CFAP141: variants seen among roughly 807,000 people sequenced by gnomAD.
CFAP141 encodes the protein cilia and flagella associated protein 141.
the CFAP141 span, among the ~76,000 whole-genome samples, chr1:154,201,048 G>T: frequency 6.6e-6 from 1 of 151,986 alleles, no homozygotes; most frequent in African/African-American, 2.4e-5. Flanking sequence ...CCTTAAAAGG[G>T]TAATTTAGAA....
the CFAP141 span, among the ~76,000 whole-genome samples, chr1:154,199,864 A>G: frequency 6.6e-6 from 1 of 152,062 alleles, no homozygotes; most frequent in African/African-American, 2.4e-5. Context: ...ATACGCACTA[A>G]GAGGCAGTTT....
At chr1:154,205,610 T>TG in the CFAP141 span, 1 of 1,613,868 alleles carries the variant, frequency 6.2e-7, no homozygotes. Context: ...GTCGACCGTC[T>TG]TCTTAAGTCC....
At chr1:154,200,734 G>T in the CFAP141 span, 2 of 916,852 alleles carry the variant, frequency 2.2e-6, no homozygotes, top group Non-Finnish European at 3.2e-6. Context: ...CCAGGCTGGT[G>T]TACAGTGGTG....
At chr1:154,199,585 A>G in the CFAP141 span, 3 of 1,082,086 alleles carry the variant, frequency 2.8e-6, no homozygotes, top group Non-Finnish European at 4.1e-6. Flanking sequence ...ACCCTTTCTT[A>G]TTCTTTCTTC....
chr1:154,204,842 G>A, the CFAP141 span, among the ~76,000 whole-genome samples: 1 of 151,024 alleles, frequency 6.6e-6, no homozygotes, highest in Non-Finnish European at 1.5e-5. Flanking sequence ...GATTATAGGT[G>A]TGAACCACCA....
the CFAP141 span, among the ~76,000 whole-genome samples, chr1:154,203,136 CA>C: frequency 2.1e-3 from 121 of 56,748 alleles, 1 homozygote; most frequent in African/African-American, 4.6e-3. Context: ...GACTCTGCCT[CA>C]AAAAAAAAAA....
At chr1:154,200,429 G>C in the CFAP141 span, 1 of 1,612,026 alleles carries the variant, frequency 6.2e-7, no homozygotes, top group South Asian at 1.1e-5. Flanking sequence ...AGTAGTGAAT[G>C]AGACTTCAGG....
chr1:154,201,374 T>C, the CFAP141 span, among the ~76,000 whole-genome samples: 1 of 150,168 alleles, frequency 6.7e-6, no homozygotes, highest in Admixed American at 6.6e-5. Flanking sequence ...ATGGCAGACC[T>C]GGGACTCAAA....
chr1:154,204,799 C>G, the CFAP141 span, among the ~76,000 whole-genome samples: 2 of 151,912 alleles, frequency 1.3e-5, no homozygotes, highest in Admixed American at 1.3e-4. Context: ...TGGGCTCAAG[C>G]AATCCCCCTG....
chr1:154,204,743 G>A, the CFAP141 span, among the ~76,000 whole-genome samples: 1 of 143,358 alleles, frequency 7.0e-6, no homozygotes, highest in Non-Finnish European at 1.5e-5. Flanking sequence ...AATTTTTTTG[G>A]TAGAGACAGG....
At chr1:154,200,275 A>C in the CFAP141 span, among the ~76,000 whole-genome samples, 8 of 152,362 alleles carry the variant, frequency 5.3e-5, no homozygotes, top group East Asian at 1.2e-3. Context: ...GGATGCAAAG[A>C]ATCACTTAAT....
the CFAP141 span, among the ~76,000 whole-genome samples, chr1:154,204,871 G>GTTTTTTTT: frequency 7.5e-6 from 1 of 133,886 alleles, no homozygotes; most frequent in African/African-American, 2.7e-5. Context: ...TTGCATCAGT[G>GTTTTTTTT]TTTTTTTTTT....
the CFAP141 span, chr1:154,199,432 ATC>A: frequency 0.011 from 17,899 of 1,604,040 alleles, 109 homozygotes; most frequent in Non-Finnish European, 0.014. Context: ...TGCCATCAGA[ATC>A]TCTCTACATA....
chr1:154,205,700 G>C, the CFAP141 span: 1 of 1,454,704 alleles, frequency 6.9e-7, no homozygotes, highest in Non-Finnish European at 9.6e-7. Flanking sequence ...TCTAATGAGA[G>C]ACATAGACCT....
At chr1:154,200,188 T>G in the CFAP141 span, among the ~76,000 whole-genome samples, 1 of 152,252 alleles carries the variant, frequency 6.6e-6, no homozygotes, top group Non-Finnish European at 1.5e-5. Context: ...GAGGCAGTTT[T>G]GAGTCTCACC....
At chr1:154,201,806 A>C in the CFAP141 span, among the ~76,000 whole-genome samples, 1 of 150,650 alleles carries the variant, frequency 6.6e-6, no homozygotes. Context: ...AGTCTCGCTC[A>C]GTCGCCCAGG....
At chr1:154,200,623 G>A in the CFAP141 span, 80 of 1,611,994 alleles carry the variant, frequency 5.0e-5, no homozygotes, top group Non-Finnish European at 6.4e-5. Context: ...TTGAATGGGT[G>A]GGTTAGAGTT....
At chr1:154,203,760 A>T in the CFAP141 span, among the ~76,000 whole-genome samples, 1 of 152,020 alleles carries the variant, frequency 6.6e-6, no homozygotes, top group Non-Finnish European at 1.5e-5. Flanking sequence ...TAAACTGGGA[A>T]GTACATCTTC....
chr1:154,206,060 A>G, the CFAP141 span, among the ~76,000 whole-genome samples: 1 of 152,186 alleles, frequency 6.6e-6, no homozygotes, highest in East Asian at 1.9e-4. Context: ...GGAAAGCTCT[A>G]CTTTCAGAAT....
Sources: allele counts gnomAD v4.1 joint callset (sites outside exome capture counted in the v4.1 genomes callset), GRCh38; gene constraint gnomAD v4.1.1; transcripts MANE v1.5; gene names NCBI Gene and HGNC (gene_info 2026-07-23, HGNC 2026-07-21).